The following ZSCAN5A variants were observed in gnomAD, a reference collection of about 807,000 sequenced individuals.
The protein encoded by ZSCAN5A is zinc finger and SCAN domain-containing protein 5A.
In ZSCAN5A, 12 loss-of-function variants were observed where a neutral mutation model predicts 23.7. That is an observed-to-expected ratio of 0.51 (90% CI 0.32 to 0.82). The LOEUF (loss-of-function observed/expected upper bound fraction) is 0.82, where lower values mean the gene tolerates loss of function less well. Among genes scored for constraint, ZSCAN5A ranks in the 40% least tolerant of loss-of-function variants. The pLI is 0.03. For synonymous variants in ZSCAN5A, 257 were observed against 239.9 expected (o/e 1.07, Z -0.66); for missense variants, 597 against 617.9 (o/e 0.97, Z 0.36).
At chr19:56,341,553 G>A (rs2041591826) in intron 2 of ZSCAN5A, among the ~76,000 whole-genome samples, 1 of 151,970 alleles carries the variant, frequency 6.6e-6, no homozygotes, top group African/African-American at 2.4e-5. Flanking sequence ...TTAGACCCAG[G>A]AGTCAAGGCC....
chr19:56,346,937 C>T (rs2041637957), intron 2 of ZSCAN5A: 1 of 152,208 alleles, frequency 6.6e-6, no homozygotes, highest in South Asian at 2.1e-4. Context: ...CCGCGTTAGC[C>T]AGGATGGTCT....
chr19:56,222,092 G>C lies in ZSCAN5A; in HGVS notation c.974C>G (p.Pro325Arg). 1 of 1,613,914 alleles carries C rather than the reference G, an allele frequency of 6.2e-7. No homozygotes were observed. The highest frequency in any genetic ancestry group is 2.2e-5 in the East Asian group (1 of 44,862). Residue 325 changes from proline to arginine, a missense_variant, in exon 6 of 6, where the codon CCG (proline) becomes CGG (arginine). This residue lies in a region of ZSCAN5A where 406 missense variants were observed against 353.2 expected (regional missense o/e 1.15). Transcript: ENST00000683990. ...EATPVGNRESPGQAGMNSIHS... is the reference protein window; with the variant it reads ...EATPVGNRESRGQAGMNSIHS... ...AATTGAATTCATCCCAGCTTGTCCC[G>C]GGGATTCTCTGTTGCCCACAGGTGT...
At chr19:56,366,027 T>C (rs923744121) in intron 1 of ZSCAN5A, 1 of 152,262 alleles carries the variant, frequency 6.6e-6, no homozygotes, top group East Asian at 1.9e-4. Flanking sequence ...AGAAACTATT[T>C]TATCAGAGCC....
intron 2 of ZSCAN5A, chr19:56,303,014 T>C: frequency 5.0e-6 from 2 of 396,092 alleles, no homozygotes; most frequent in Non-Finnish European, 8.9e-6. Context: ...GGCGCTTATC[T>C]CAGCCTAGGG....
chr19:56,257,120 A>G (rs1212625615), intron 2 of ZSCAN5A, among the ~76,000 whole-genome samples: 1 of 152,158 alleles, frequency 6.6e-6, no homozygotes, highest in Non-Finnish European at 1.5e-5. Flanking sequence ...CAAAAGACAG[A>G]GTGTGGAGAG....
chr19:56,311,446 C>T (rs1380417291), intron 2 of ZSCAN5A, among the ~76,000 whole-genome samples: 1 of 152,128 alleles, frequency 6.6e-6, no homozygotes. Flanking sequence ...ATAAATGCAA[C>T]TCAACTAGCT....
intron 2 of ZSCAN5A, among the ~76,000 whole-genome samples, chr19:56,324,950 G>A (rs2041419284): frequency 6.6e-6 from 1 of 152,126 alleles, no homozygotes. Context: ...GTCGTGAAGG[G>A]CCCTTGTGAC....
Position 56,232,652 on chromosome 19 carries a change from C to T in ZSCAN5A, c.-127-7479G>A, listed in dbSNP as rs117370321. Among the ~76,000 whole-genome samples, 704 of 152,148 alleles carry T rather than the reference C, an allele frequency of 4.6e-3. 7 individuals are homozygous for T. Among genetic ancestry groups the T allele is most frequent in the Non-Finnish European group, 8.3e-3 (563 of 68,012 alleles). On this transcript the variant is annotated intron_variant, in intron 2 of 5. Transcript: ENST00000683990. Reference sequence around the variant, plus strand: ...CACTGAGCTCTTTTTTCTTCCCCTTCCCCTATATAGGCTAATTTTTTTTTC... The same window carrying T: ...CACTGAGCTCTTTTTTCTTCCCCTTTCCCTATATAGGCTAATTTTTTTTTC...
chr19:56,354,280 CAAT>C (rs1243908796), intron 2 of ZSCAN5A, among the ~76,000 whole-genome samples: 2 of 152,122 alleles, frequency 1.3e-5, no homozygotes, highest in Non-Finnish European at 2.9e-5. Flanking sequence ...TTAAGCCAGT[CAAT>C]TGTTTGTTTG....
At chr19:56,304,869 G>C in intron 2 of ZSCAN5A, 2 of 887,136 alleles carry the variant, frequency 2.3e-6, no homozygotes, top group South Asian at 5.2e-5. Flanking sequence ...CCCACCGCTG[G>C]GGTGGGGTTA....
At chr19:56,337,661 A>G (rs1336686920) in intron 2 of ZSCAN5A, among the ~76,000 whole-genome samples, 2 of 152,084 alleles carry the variant, frequency 1.3e-5, no homozygotes, top group African/African-American at 4.8e-5. Flanking sequence ...TGCAGAAGTC[A>G]CCTGTCTTCT....
chr19:56,294,084 T>G (rs975728956), intron 2 of ZSCAN5A, among the ~76,000 whole-genome samples: 3 of 152,194 alleles, frequency 2.0e-5, no homozygotes, highest in Non-Finnish European at 4.4e-5. Flanking sequence ...TGACAGCACT[T>G]TGCAAACTGA....
intron 5 of ZSCAN5A, 117 bp from the exon 6 acceptor site, chr19:56,222,443 A>G (rs2033355947): frequency 2.6e-6 from 4 of 1,557,386 alleles, no homozygotes; most frequent in African/African-American, 1.4e-5. Flanking sequence ...AGCCTAAGAC[A>G]TTGGACTGTA....
intron 2 of ZSCAN5A, chr19:56,304,636 C>G (rs748788053): frequency 7.6e-5 from 17 of 223,450 alleles, no homozygotes; most frequent in Admixed American, 1.3e-4. Flanking sequence ...AATAGAGAAG[C>G]AAGACCAGAA....
At chr19:56,286,572 AAAACG>A (rs1003652598) in intron 2 of ZSCAN5A, 2 of 152,200 alleles carry the variant, frequency 1.3e-5, no homozygotes, top group African/African-American at 4.8e-5. Context: ...TCATGAAAAC[AAAACG>A]AGATTAAATT....
rs915328170 is a variant in ZSCAN5A, at chr19:56,336,391, G to C, written c.-357-20123C>G. 2.6e-5 allele frequency among the ~76,000 whole-genome samples: 4 copies of C among 151,856 alleles called. No individual in the cohort carries two copies. In the South Asian group the frequency reaches 8.3e-4, roughly 32 times the overall value. ...TTGATCGCATCAGCTACTGAGGCTT[G>C]TGCATTCGTCACGTAGTTCTCATGC... On this transcript the variant is annotated intron_variant, in intron 2 of 6. Coordinates refer to the ZSCAN5A transcript ENST00000587340.
intron 2 of ZSCAN5A, among the ~76,000 whole-genome samples, chr19:56,300,828 GT>G (rs1487136019): frequency 1.3e-5 from 2 of 152,070 alleles, no homozygotes; most frequent in Non-Finnish European, 2.9e-5. Context: ...TTTTCTGAAT[GT>G]AATACTTTTA....
chr19:56,339,371 T>C (rs1394703380), intron 2 of ZSCAN5A, among the ~76,000 whole-genome samples: 3 of 135,842 alleles, frequency 2.2e-5, no homozygotes, highest in African/African-American at 8.5e-5. Context: ...GGAGCGGCTG[T>C]AGCCGCATTT....
intron 2 of ZSCAN5A, among the ~76,000 whole-genome samples, chr19:56,273,426 T>C (rs1367032220): frequency 6.6e-6 from 1 of 152,170 alleles, no homozygotes; most frequent in Non-Finnish European, 1.5e-5. Flanking sequence ...TGTTTATTCC[T>C]GGTTCTTTCC....
Sources: allele counts gnomAD v4.1 joint callset (sites outside exome capture counted in the v4.1 genomes callset), GRCh38; gene constraint gnomAD v4.1.1; regional missense constraint gnomAD v4.1.1; transcripts MANE v1.5; gene names NCBI Gene and HGNC (gene_info 2026-07-23, HGNC 2026-07-21).